The following CREB5 variants were observed in gnomAD, a reference collection of about 807,000 sequenced individuals.
CREB5 encodes cAMP responsive element binding protein 5.
CREB5 carries 19 observed loss-of-function variants against 57.1 expected under a neutral mutation model. The ratio of observed to expected loss-of-function variants is 0.33; its 90% CI spans 0.23 to 0.49. The LOEUF (loss-of-function observed/expected upper bound fraction) is 0.49, where lower values mean the gene tolerates loss of function less well. Ranked by LOEUF, CREB5 falls within the 20% of genes least tolerant of loss-of-function variation. CREB5 has a pLI of 0.99. For missense variants in CREB5, 579 were observed against 671.6 expected, an observed-to-expected ratio of 0.86 and a Z score of 1.52; for synonymous variants, 238 against 238.3, an observed-to-expected ratio of 1.00 and a Z score of 0.01.
intron 5 of CREB5, among the ~76,000 whole-genome samples, chr7:28,699,138 G>GCTTCCTTC (rs546767639): frequency 2.7e-5 from 4 of 150,472 alleles, no homozygotes; most frequent in African/African-American, 9.8e-5. Flanking sequence ...ACCAAGGTTT[G>GCTTCCTTC]CTTCCTTCCT....
At chr7:28,525,068 A>G (rs1793390419) in intron 4 of CREB5, among the ~76,000 whole-genome samples, 1 of 150,644 alleles carries the variant, frequency 6.6e-6, no homozygotes, top group African/African-American at 2.4e-5. Flanking sequence ...CAAGTGAGTG[A>G]GAACACATGA....
intron 4 of CREB5, among the ~76,000 whole-genome samples, chr7:28,532,339 A>T (rs950017940): frequency 2.6e-5 from 4 of 152,248 alleles, no homozygotes; most frequent in African/African-American, 9.6e-5. Context: ...CATCCAGCTA[A>T]GCTGCTGCTG....
At chr7:28,608,121 ACT>A (rs1458518324) in intron 5 of CREB5, among the ~76,000 whole-genome samples, 6,419 of 112,714 alleles carry the variant, frequency 0.057, 144 homozygotes, top group Non-Finnish European at 0.061. Context: ...TCTCACACAC[ACT>A]CACACACACA....
At chr7:28,812,335 A>T (rs898898082) in intron 9 of CREB5, among the ~76,000 whole-genome samples, 6 of 152,244 alleles carry the variant, frequency 3.9e-5, no homozygotes, top group Admixed American at 1.3e-4. Flanking sequence ...GAAAGTAAAG[A>T]TGTCCACAGA....
chr7:28,689,423 G>A (rs760282865), intron 5 of CREB5, among the ~76,000 whole-genome samples: 1 of 152,052 alleles, frequency 6.6e-6, no homozygotes, highest in Non-Finnish European at 1.5e-5. Flanking sequence ...AGCCGAGATC[G>A]AGCCACTGTA....
At chr7:28,302,150 A>G (rs1399724140) in intron 1 of CREB5, among the ~76,000 whole-genome samples, 1 of 152,250 alleles carries the variant, frequency 6.6e-6, no homozygotes, top group East Asian at 1.9e-4. Context: ...AAAATGTGAA[A>G]TTTCAGTATC....
chr7:28,734,003 T>A (rs1485915654), intron 7 of CREB5, among the ~76,000 whole-genome samples: 1 of 151,968 alleles, frequency 6.6e-6, no homozygotes, highest in Non-Finnish European at 1.5e-5. Flanking sequence ...CAGGTGTGAA[T>A]TCTACCCAAA....
chr7:28,522,820 A>G (rs1793267650), intron 4 of CREB5, among the ~76,000 whole-genome samples: 1 of 152,178 alleles, frequency 6.6e-6, no homozygotes, highest in Non-Finnish European at 1.5e-5. Context: ...CCTAGCAATG[A>G]AAGGTAGCTT....
rs34222908 is a variant in CREB5, at chr7:28,431,982, C to CTT, written c.3+19081_3+19082dup. 7.4e-3 allele frequency among the ~76,000 whole-genome samples: 928 copies of CTT among 124,852 alleles called. 15 individuals carry two copies. The highest frequency in any genetic ancestry group is 0.048 in the East Asian group (184 of 3,840). 81.9% of individuals were successfully genotyped at this position (124,852 alleles called of 152,430 possible). On this transcript the variant is annotated intron_variant, in intron 1 of 10. Coordinates refer to ENST00000357727, the MANE Select transcript of CREB5 (RefSeq NM_182898.4). ...TTGAGGTGACTGCAAACAGCTATGC[C>CTT]TTTTTTTTTTTTTTTTTGCTTTTTT...
At chr7:28,473,203 T>G (rs1380629685) in intron 1 of CREB5, among the ~76,000 whole-genome samples, 1 of 152,092 alleles carries the variant, frequency 6.6e-6, no homozygotes, top group African/African-American at 2.4e-5. Context: ...ATACCTATGG[T>G]CCCAGCTACT....
At chr7:28,368,729 T>A (rs563294736) in intron 1 of CREB5, among the ~76,000 whole-genome samples, 2 of 152,370 alleles carry the variant, frequency 1.3e-5, no homozygotes, top group East Asian at 3.9e-4. Flanking sequence ...CCTATATTTT[T>A]AAATAGCAAA....
At chr7:28,502,827 G>T (rs1378790736) in intron 3 of CREB5, among the ~76,000 whole-genome samples, 10 of 152,086 alleles carry the variant, frequency 6.6e-5, no homozygotes, top group Admixed American at 5.9e-4. Flanking sequence ...TTTTAAATTG[G>T]TGATTTGTCA....
intron 7 of CREB5, among the ~76,000 whole-genome samples, chr7:28,741,864 G>A (rs192167010): frequency 1.0e-3 from 153 of 151,994 alleles, no homozygotes; most frequent in African/African-American, 3.1e-3. Flanking sequence ...TCAGGAGTTC[G>A]AGACCAGCCT....
chr7:28,367,840 CA>C lies in CREB5; in HGVS notation c.-25+68405del, dbSNP rs563613650. Among the ~76,000 whole-genome samples, 126 of 152,122 alleles carry C rather than the reference CA, an allele frequency of 8.3e-4. 1 individual carries two copies. Among genetic ancestry groups the C allele is most frequent in the African/African-American group, 2.9e-3 (120 of 41,506 alleles). The stretch of plus-strand genomic sequence containing the variant: ...ACAAACAGACAAACAAACAAACAAA[CA>C]AAAAACAACAAAGAAACACAAAACA... On this transcript the variant is annotated intron_variant, in intron 1 of 9. Transcript: ENST00000396299.
chr7:28,687,290 G>A (rs1016435351), intron 5 of CREB5, among the ~76,000 whole-genome samples: 6 of 151,940 alleles, frequency 3.9e-5, no homozygotes, highest in African/African-American at 7.3e-5. Context: ...ATATGCTTCA[G>A]TAGTGAGGGG....
chr7:28,709,273 G>C (rs1219804589), intron 5 of CREB5, among the ~76,000 whole-genome samples: 1 of 151,986 alleles, frequency 6.6e-6, no homozygotes, highest in African/African-American at 2.4e-5. Flanking sequence ...TTAATGAAAG[G>C]TCTTTATAAA....
intron 4 of CREB5, among the ~76,000 whole-genome samples, chr7:28,559,761 TTA>T (rs1795008775): frequency 6.6e-6 from 1 of 152,212 alleles, no homozygotes; most frequent in Non-Finnish European, 1.5e-5. Flanking sequence ...CAATGGTAAT[TTA>T]TATAGTTCTG....
intron 4 of CREB5, among the ~76,000 whole-genome samples, chr7:28,532,597 G>C (rs1279074366): frequency 1.3e-5 from 2 of 151,996 alleles, no homozygotes; most frequent in African/African-American, 2.4e-5. Context: ...GGTTTTCTTT[G>C]TTTGTTTGTT....
intron 1 of CREB5, among the ~76,000 whole-genome samples, chr7:28,403,199 T>C (rs1192322927): frequency 1.3e-5 from 2 of 152,138 alleles, no homozygotes; most frequent in African/African-American, 2.4e-5. Context: ...AAAGGTACCA[T>C]CTCCTTCAAA....
Sources: allele counts gnomAD v4.1 joint callset (sites outside exome capture counted in the v4.1 genomes callset), GRCh38; gene constraint gnomAD v4.1.1; transcripts MANE v1.5; gene names NCBI Gene and HGNC (gene_info 2026-07-23, HGNC 2026-07-21).